Variants in IMPG2 observed in about 807,000 individuals in gnomAD.
IMPG2 encodes IPM 200.
Under a neutral mutation model 129.2 loss-of-function variants are expected in IMPG2, and 91 were observed. The observed-to-expected ratio is 0.70, with a 90% CI of 0.59 to 0.84. The LOEUF (loss-of-function observed/expected upper bound fraction) is 0.84. Among genes scored for constraint, IMPG2 ranks in the 40% least tolerant of loss-of-function variants. IMPG2 has a pLI of 0.00. For missense variants in IMPG2, 1,430 were observed against 1,461.7 expected, an observed-to-expected ratio of 0.98 and a Z score of 0.35; for synonymous variants, 510 against 517.7, an observed-to-expected ratio of 0.99 and a Z score of 0.20.
chr3:101,244,273 A>C lies in IMPG2; in HGVS notation c.2058T>G (p.Ala686=). The change falls in exon 13 of 19, where the codon GCT becomes GCG. Residue 686 remains alanine (A), a synonymous_variant. Coordinates refer to ENST00000193391, the MANE Select transcript of IMPG2 (RefSeq NM_016247.4). ...CTGCAGTATCTGCGAAGATGGGCAC[A>C]GCAGGCCCACTAAGAGGCTCTTCCT... ...FPEEEPLSGP[A]VPIFADTAAE... is the part of the protein sequence containing the mutation. 6.2e-7 allele frequency: 1 copy of C among 1,614,084 alleles called. No homozygotes were observed. The highest frequency in any genetic ancestry group is 8.5e-7 in the Non-Finnish European group (1 of 1,179,994).
At chr3:101,249,338 T>G (rs1706519485) in intron 11 of IMPG2, among the ~76,000 whole-genome samples, 1 of 152,136 alleles carries the variant, frequency 6.6e-6, no homozygotes, top group African/African-American at 2.4e-5. Flanking sequence ...CATTAAAGTT[T>G]AAGTCATTTC....
rs568565222 is a variant in IMPG2 at position 101,285,344 on chromosome 3, T to G, written c.533+6135A>C. On this transcript the variant is annotated intron_variant, in intron 4 of 18. Coordinates refer to ENST00000193391, the MANE Select transcript of IMPG2 (RefSeq NM_016247.4). ...AAGACACACAGGGATCAGTACATTC[T>G]GCCCCTACTCTCACTGAATGTGCTA... Among the ~76,000 whole-genome samples the G allele has an allele frequency of 1.2e-4, 18 of 152,308 alleles. 1 individual carries two copies. The South Asian group carries it at 2.9e-3, about 25-fold the overall frequency.
Position 101,320,494 on chromosome 3 carries a change from A to AATG in IMPG2, c.-125_-123dup. ...TAACATTTAAAAGTCTATGTTTGAG[A>AATG]ATGAACAACCACTTCAAAACCATTA... is the stretch of plus-strand genomic sequence containing the variant. On this transcript the variant is annotated 5_prime_UTR_variant, in exon 1 of 19. Transcript: ENST00000193391. 1 of 691,416 alleles carries AATG rather than the reference A, an allele frequency of 1.4e-6. No homozygotes were observed. The highest frequency in any genetic ancestry group is 2.6e-6 in the Non-Finnish European group (1 of 382,608). 42.8% of individuals were successfully genotyped at this position (691,416 alleles called of 1,614,324 possible).
intron 7 of IMPG2, among the ~76,000 whole-genome samples, chr3:101,272,266 G>A (rs1032134203): frequency 1.3e-5 from 2 of 152,176 alleles, no homozygotes; most frequent in African/African-American, 2.4e-5. Context: ...AGGGGAGGGA[G>A]CTGGAGGATC....
chr3:101,306,418 C>T (rs1013917813), intron 2 of IMPG2, among the ~76,000 whole-genome samples: 3 of 152,132 alleles, frequency 2.0e-5, no homozygotes, highest in African/African-American at 7.2e-5. Context: ...AGTGAACTAC[C>T]TGTATCCTTA....
chr3:101,318,149 A>AAATGATAAT (rs1475206268), intron 2 of IMPG2, among the ~76,000 whole-genome samples: 8 of 144,182 alleles, frequency 5.5e-5, no homozygotes, highest in African/African-American at 2.0e-4. Flanking sequence ...AAATAGTAAT[A>AAATGATAAT]AATAATAATA....
chr3:101,235,151 C>T (rs1305263081), intron 14 of IMPG2, among the ~76,000 whole-genome samples: 4 of 152,210 alleles, frequency 2.6e-5, no homozygotes. Context: ...ATTTCAGCCA[C>T]CCATGTGGAC....
chr3:101,240,290 C>T (rs1187224778), intron 14 of IMPG2, among the ~76,000 whole-genome samples: 1 of 151,886 alleles, frequency 6.6e-6, no homozygotes, highest in African/African-American at 2.4e-5. Flanking sequence ...GCTAATTTTT[C>T]AGTTTTTCTG....
intron 4 of IMPG2, among the ~76,000 whole-genome samples, chr3:101,278,843 T>A (rs755397598): frequency 1.3e-5 from 2 of 152,214 alleles, no homozygotes; most frequent in East Asian, 1.9e-4. Flanking sequence ...TTATTAAGTT[T>A]CATCTAGAAG....
chr3:101,250,060 A>C (rs1461938481), intron 11 of IMPG2, among the ~76,000 whole-genome samples: 6 of 152,178 alleles, frequency 3.9e-5, no homozygotes, highest in Non-Finnish European at 4.4e-5. Context: ...CCCAGGTGAC[A>C]GAGCAAGACG....
At chr3:101,263,929 A>G (rs1178569066) in intron 9 of IMPG2, among the ~76,000 whole-genome samples, 1 of 151,772 alleles carries the variant, frequency 6.6e-6, no homozygotes, top group African/African-American at 2.4e-5. Context: ...CAAATACCAC[A>G]GAAATGGAAA....
intron 6 of IMPG2, among the ~76,000 whole-genome samples, chr3:101,274,480 C>T (rs79828857): frequency 0.042 from 6,356 of 152,098 alleles, 462 homozygotes; most frequent in African/African-American, 0.15. Context: ...AACTGAAATA[C>T]GGTATATAAT....
intron 10 of IMPG2, among the ~76,000 whole-genome samples, chr3:101,256,161 G>GAAAGA (rs1706600978): frequency 8.7e-6 from 1 of 115,356 alleles, no homozygotes. Context: ...AAGAAAGAAA[G>GAAAGA]AAAGAAAGAA....
intron 11 of IMPG2, among the ~76,000 whole-genome samples, chr3:101,251,596 A>G (rs1344107131): frequency 2.6e-5 from 4 of 152,176 alleles, no homozygotes; most frequent in African/African-American, 9.7e-5. Context: ...GCTACCGCCA[A>G]TTGAAAAGTT....
At chr3:101,252,732 A>C (rs1013719742) in intron 11 of IMPG2, among the ~76,000 whole-genome samples, 1 of 152,190 alleles carries the variant, frequency 6.6e-6, no homozygotes, top group Non-Finnish European at 1.5e-5. Flanking sequence ...CTACATTGTA[A>C]TATTGAGTTG....
chr3:101,242,607 C>T, intron 14 of IMPG2, 81 bp downstream of exon 14: 2 of 1,046,204 alleles, frequency 1.9e-6, no homozygotes, highest in Non-Finnish European at 3.0e-6. Flanking sequence ...ATTGGATTCA[C>T]CTTAATGCAA....
At chr3:101,237,285 C>G (rs200342915) in intron 14 of IMPG2, among the ~76,000 whole-genome samples, 2 of 152,138 alleles carry the variant, frequency 1.3e-5, no homozygotes, top group Non-Finnish European at 2.9e-5. Flanking sequence ...CAGCTGTAGG[C>G]GCAGTTTCAG....
chr3:101,265,893 T>C (rs1292888926), intron 9 of IMPG2, among the ~76,000 whole-genome samples: 8 of 152,122 alleles, frequency 5.3e-5, no homozygotes, highest in Admixed American at 5.2e-4. Flanking sequence ...GTGCAAATGA[T>C]ATGAATAGAC....
In IMPG2 at chr3:101,269,552, A is replaced by G. The variant is rs1404217272; in HGVS notation, c.850T>C (p.Leu284=). ...ISEVENAFTG[L]PGYKEIRVLE... ...ACACGAATTTCCTTGTAGCCTGGTA[A>G]CCCAGTAAATGCATTTTCAACCTGT... Residue 284 remains leucine (L), a synonymous_variant, in exon 8 of 19, where the codon TTA becomes CTA. Transcript: ENST00000193391. 2 of 1,596,060 alleles carry G rather than the reference A, an allele frequency of 1.3e-6. No individual in the cohort carries two copies. The highest frequency in any genetic ancestry group is 1.7e-6 in the Non-Finnish European group (2 of 1,163,792).
Sources: gnomAD v4.1 joint callset for allele counts (sites outside exome capture counted in the v4.1 genomes callset) on GRCh38, gnomAD v4.1.1 for gene constraint, MANE v1.5 for transcripts, NCBI Gene and HGNC (gene_info 2026-07-23, HGNC 2026-07-21) for gene names.